PTPN5: variants seen among roughly 807,000 people sequenced by gnomAD.
PTPN5 encodes protein tyrosine phosphatase non-receptor type 5.
In PTPN5, 29 loss-of-function variants were observed where a neutral mutation model predicts 73.9. The ratio of observed to expected loss-of-function variants is 0.39; its 90% CI spans 0.29 to 0.54. The LOEUF (loss-of-function observed/expected upper bound fraction) is 0.54. PTPN5 is among the 20% of genes least tolerant of loss of function. The pLI is 0.65. For synonymous variants in PTPN5, 267 were observed against 304.7 expected (o/e 0.88, Z 1.29); for missense variants, 652 against 751.4 (o/e 0.87, Z 1.55).
At position 18,779,358 on chromosome 11, in the gene PTPN5, G is replaced by GA. The variant is rs548869120; in HGVS notation, c.-113-7288dup. 1.7e-3 allele frequency among the ~76,000 whole-genome samples: 237 copies of GA among 141,466 alleles called. 1 individual carries two copies. Among genetic ancestry groups the GA allele is most frequent in the East Asian group, 0.012 (60 of 4,896 alleles). The allele number at this position is 141,466 out of a possible 152,430, so 92.8% of individuals were successfully genotyped here. On this transcript the variant is annotated intron_variant, in intron 1 of 14. Coordinates refer to ENST00000358540, the MANE Select transcript of PTPN5 (RefSeq NM_006906.2). ...GCTGGATTTGAGGCTCTTTTGCAAG[G>GA]AAAAAAAAAAAAATAGAGTGTAAAC... is the stretch of plus-strand genomic sequence containing the variant.
chr11:18,787,335 A>C (rs973373448), intron 1 of PTPN5, among the ~76,000 whole-genome samples: 31 of 152,190 alleles, frequency 2.0e-4, no homozygotes, highest in African/African-American at 6.5e-4. Flanking sequence ...TCATTCATTC[A>C]TTCATTCACT....
intron 3 of PTPN5, among the ~76,000 whole-genome samples, chr11:18,759,183 G>T (rs1434918578): frequency 3.9e-5 from 6 of 151,904 alleles, no homozygotes; most frequent in East Asian, 1.9e-4. Context: ...GGAAAAAAAG[G>T]TTTTTTTTCT....
intron 3 of PTPN5, among the ~76,000 whole-genome samples, chr11:18,761,476 A>G (rs1404228907): frequency 6.6e-6 from 1 of 152,138 alleles, no homozygotes; most frequent in Non-Finnish European, 1.5e-5. Context: ...GGTGACTGTG[A>G]GCAAATGAAG....
At chr11:18,745,639 G>A (rs895678501) in intron 3 of PTPN5, among the ~76,000 whole-genome samples, 2 of 152,092 alleles carry the variant, frequency 1.3e-5, no homozygotes, top group Non-Finnish European at 2.9e-5. Flanking sequence ...TCACATACGA[G>A]CACCCCATGC....
At chr11:18,749,707 C>T (rs935788397) in intron 3 of PTPN5, among the ~76,000 whole-genome samples, 4 of 152,136 alleles carry the variant, frequency 2.6e-5, no homozygotes, top group East Asian at 1.9e-4. Flanking sequence ...CACAGGGAAA[C>T]GCTATGATCC....
chr11:18,792,300 G>GC (rs1483198832), upstream of PTPN5: 1 of 152,344 alleles, frequency 6.6e-6, no homozygotes, highest in Non-Finnish European at 1.5e-5. Flanking sequence ...CCCGCATGTT[G>GC]CCAACACCTG....
At chr11:18,731,803 T>C (rs1251068853) in intron 12 of PTPN5, among the ~76,000 whole-genome samples, 1 of 152,204 alleles carries the variant, frequency 6.6e-6, no homozygotes, top group Non-Finnish European at 1.5e-5. Flanking sequence ...CAGTAACCCC[T>C]GTGGCTGTCA....
chr11:18,749,428 TC>T, intron 3 of PTPN5: 1 of 511,382 alleles, frequency 2.0e-6, no homozygotes, highest in Middle Eastern at 3.2e-4. Context: ...CCATGCCGCT[TC>T]TCAGTAAAGG....
chr11:18,735,919 G>T (rs777753642), intron 9 of PTPN5, among the ~76,000 whole-genome samples: 7 of 152,186 alleles, frequency 4.6e-5, no homozygotes, highest in Non-Finnish European at 8.8e-5. Context: ...GAAGCCAGAA[G>T]ACCAGTTAGA....
intron 3 of PTPN5, among the ~76,000 whole-genome samples, chr11:18,764,036 G>A (rs766447084): frequency 5.3e-5 from 8 of 152,114 alleles, no homozygotes; most frequent in Admixed American, 3.3e-4. Context: ...AGTCATCTCC[G>A]AATTCTATGA....
intron 1 of PTPN5, among the ~76,000 whole-genome samples, chr11:18,780,023 C>G (rs975142705): frequency 1.3e-5 from 2 of 152,202 alleles, no homozygotes; most frequent in African/African-American, 4.8e-5. Context: ...TCCTGCTGAC[C>G]TGGCTCGAAG....
Position 18,749,421 on chromosome 11 carries a change from T to C in PTPN5, c.98-5222A>G, listed in dbSNP as rs531888312. On this transcript the variant is annotated intron_variant, in intron 3 of 14. Transcript: ENST00000358540. ...ATCAAGTGATGTTTCCATTTTGCCA[T>C]GCCGCTTCTCAGTAAAGGGTCACTG... 68 of 509,720 alleles carry C rather than the reference T, an allele frequency of 1.3e-4. No homozygotes were observed. The Admixed American group carries it at 1.3e-3, about 10-fold the overall frequency. The allele number at this position is 509,720 out of a possible 1,614,324, so 31.6% of individuals were successfully genotyped here. A position where few individuals can be genotyped will look rare whatever the true frequency, so the allele number is the denominator to read the frequency against.
At chr11:18,766,042 G>A (rs919862219) in intron 2 of PTPN5, among the ~76,000 whole-genome samples, 159 bp from the exon 3 acceptor site, 1 of 152,200 alleles carries the variant, frequency 6.6e-6, no homozygotes. Flanking sequence ...CTGTTGAGGG[G>A]TCAAGCTGCA....
At chr11:18,743,585 G>A (rs1247513735) in intron 4 of PTPN5, 156 bp from the exon 5 acceptor site, 18 of 663,808 alleles carry the variant, frequency 2.7e-5, no homozygotes, top group Middle Eastern at 4.1e-4. Flanking sequence ...CCGGTGCTGC[G>A]TGCCCGGGGA....
intron 1 of PTPN5, among the ~76,000 whole-genome samples, chr11:18,789,414 G>A (rs1346489687): frequency 2.0e-5 from 3 of 152,124 alleles, no homozygotes; most frequent in Non-Finnish European, 1.5e-5. Context: ...TACTGACACC[G>A]TACAGCCAGT....
Position 18,729,431 on chromosome 11 carries a change from C to A in PTPN5, c.1604+22G>T. On this transcript the variant is annotated intron_variant, in intron 14 of 14. Coordinates refer to ENST00000358540, the MANE Select transcript of PTPN5 (RefSeq NM_006906.2). This position sits in a 1 kb window ranked among gnomAD's most constrained non-coding sequence, Gnocchi z 5.2. ...GGGGCTCTAGCTCCCTTGTGTGTCC[C>A]CACTCCCGCCCGTGGGCTGACCTGT... 2.5e-6 allele frequency: 3 copies of A among 1,177,904 alleles called. No individual in the cohort carries two copies. The highest frequency in any genetic ancestry group is 3.8e-6 in the Non-Finnish European group (3 of 788,230). 73.0% of individuals were successfully genotyped at this position (1,177,904 alleles called of 1,614,324 possible). A position where few individuals can be genotyped will look rare whatever the true frequency, so the allele number is the denominator to read the frequency against.
Position 18,771,986 on chromosome 11 carries a change from G to A in PTPN5, c.-28C>T, listed in dbSNP as rs1850925462. On this transcript the variant is annotated 5_prime_UTR_variant, in exon 2 of 15. Transcript: ENST00000358540. ...CCAAGGTGTCTGGATGGGGAAGGGT[G>A]CCATCTTCCAGGGCAGGAAGCTTTC... 6.4e-7 allele frequency: 1 copy of A among 1,550,980 alleles called. No individual in the cohort carries two copies. The highest frequency in any genetic ancestry group is 1.2e-5 in the South Asian group (1 of 80,318).
At chr11:18,753,569 C>T (rs1849989429) in intron 3 of PTPN5, among the ~76,000 whole-genome samples, 1 of 133,052 alleles carries the variant, frequency 7.5e-6, no homozygotes, top group African/African-American at 2.4e-5. Context: ...CTACCCACAC[C>T]TTCTCCTAGT....
rs58611404 is a variant in PTPN5 at position 18,781,323 on chromosome 11, C to CTTTTTTTTTTTTTTT, written c.-113-9253_-113-9252insAAAAAAAAAAAAAAA. Among the ~76,000 whole-genome samples, 44 of 114,426 alleles carry CTTTTTTTTTTTTTTT rather than the reference C, an allele frequency of 3.8e-4. 3 individuals carry two copies. Among genetic ancestry groups the CTTTTTTTTTTTTTTT allele is most frequent in the South Asian group, 6.0e-4 (2 of 3,334 alleles). The allele number at this position is 114,426 out of a possible 152,430, so 75.1% of individuals were successfully genotyped here. On this transcript the variant is annotated intron_variant, in intron 1 of 14. Transcript: ENST00000358540. ...AGATCAGACTGTCTTTTTTTGACCACTTTTTTTTTTTTTTGAGATGGAGTC... is the reference window on the plus strand; with the variant it reads ...AGATCAGACTGTCTTTTTTTGACCACTTTTTTTTTTTTTTTTTTTTTTTTTTTTTGAGATGGAGTC...
Sources: allele counts gnomAD v4.1 joint callset (sites outside exome capture counted in the v4.1 genomes callset), GRCh38; gene constraint gnomAD v4.1.1; non-coding constraint Gnocchi (gnomAD v3.1); transcripts MANE v1.5; gene names NCBI Gene and HGNC (gene_info 2026-07-23, HGNC 2026-07-21).